KLKB1: variants seen among roughly 807,000 people sequenced by gnomAD.
The protein encoded by KLKB1 is plasma kallikrein.
In KLKB1, 58 loss-of-function variants were observed where a neutral mutation model predicts 73.6. The observed-to-expected ratio is 0.79, with a 90% confidence interval of 0.64 to 0.98. The LOEUF (loss-of-function observed/expected upper bound fraction) is 0.98, where lower values mean the gene tolerates loss of function less well. KLKB1 is among the 50% of genes least tolerant of loss of function. The pLI, the probability that KLKB1 is intolerant of heterozygous loss-of-function variation, is 0.00. For synonymous variants in KLKB1, 280 were observed against 258.1 expected, an observed-to-expected ratio of 1.08 and a Z score of -0.81; for missense variants, 737 against 763.8, an observed-to-expected ratio of 0.96 and a Z score of 0.41.
chr4:186,222,219 T>C (rs1737048432), upstream of KLKB1, among the ~76,000 whole-genome samples: 1 of 152,198 alleles, frequency 6.6e-6, no homozygotes, highest in South Asian at 2.1e-4. Flanking sequence ...ACTCATCCAC[T>C]CTCTCTTTTG....
chr4:186,250,197 C>A (rs767869960), intron 6 of KLKB1, 46 bp from the exon 7 acceptor site: 2 of 1,567,204 alleles, frequency 1.3e-6, no homozygotes, highest in Admixed American at 1.7e-5. Flanking sequence ...GCAAATTTAG[C>A]CTCATGTCAT....
At chr4:186,238,408 A>AT in intron 6 of KLKB1, 43 bp downstream of exon 6, 1 of 1,348,256 alleles carries the variant, frequency 7.4e-7, no homozygotes, top group Non-Finnish European at 1.1e-6. Context: ...GGTAGGTGGA[A>AT]TAGGAGCCCC....
chr4:186,236,922 T>G lies in KLKB1; in HGVS notation c.470T>G (p.Phe157Cys). 6.2e-7 allele frequency: 1 copy of G among 1,614,088 alleles called. No individual in the cohort carries two copies. The highest frequency in any genetic ancestry group is 8.5e-7 in the Non-Finnish European group (1 of 1,180,002). ...TTTTTTTCATATGCCACGCAAACAT[T>G]TCACAAGGCAGAGTACCGGTGAGTA... ...CQFFSYATQT[F>C]HKAEYRNNCL... The change falls in exon 5 of 15, where the codon TTT becomes TGT. Residue 157 changes from phenylalanine (F) to cysteine (C), a missense_variant. Physicochemically the swap from Phe to Cys is radical, Grantham distance 205 (BLOSUM62 -2). Coordinates refer to ENST00000264690, the MANE Select transcript of KLKB1 (RefSeq NM_000892.5).
chr4:186,256,951 G>A lies in KLKB1; in HGVS notation c.1586-275G>A, dbSNP rs182371667. ...ACACCACGTAGGCAATAAGAGGACA[G>A]TACAGGGTGCCGTCTCTCTCCCTCT... is the stretch of plus-strand genomic sequence containing the variant. On this transcript the variant is annotated intron_variant, in intron 13 of 14. Coordinates refer to ENST00000264690, the MANE Select transcript of KLKB1 (RefSeq NM_000892.5). Among the ~76,000 whole-genome samples the A allele has an allele frequency of 2.0e-3, 310 of 151,386 alleles. 3 individuals are homozygous for A. Among genetic ancestry groups the A allele is most frequent in the African/African-American group, 7.3e-3 (301 of 41,206 alleles).
intron 6 of KLKB1, among the ~76,000 whole-genome samples, chr4:186,245,824 G>GTTTTTTTTTTTTTTTTTTTTTTTTTTATT (rs1402408736): frequency 9.1e-6 from 1 of 109,998 alleles, no homozygotes; most frequent in Non-Finnish European, 2.0e-5. Context: ...TTGTTTTTTG[G>GTTTTTTTTTTTTTTTTTTTTTTTTTTATT]TTTTTTTTTT....
At chr4:186,248,595 A>ATTTTTTTTTTTTTGTTTTTTTTTT (rs1738506954) in intron 6 of KLKB1, among the ~76,000 whole-genome samples, 1 of 114,920 alleles carries the variant, frequency 8.7e-6, no homozygotes, top group African/African-American at 3.6e-5. Flanking sequence ...TTGTTTCTGG[A>ATTTTTTTTTTTTTGTTTTTTTTTT]TTTTTTTTTT....
chr4:186,253,142 CTG>C (rs2126674141), intron 11 of KLKB1, among the ~76,000 whole-genome samples: 1 of 152,288 alleles, frequency 6.6e-6, no homozygotes, highest in South Asian at 2.1e-4. Flanking sequence ...ATGCTTAGTA[CTG>C]TGTGTAGAAC....
chr4:186,246,881 C>G (rs923082834), intron 6 of KLKB1, among the ~76,000 whole-genome samples: 99 of 152,256 alleles, frequency 6.5e-4, no homozygotes, highest in African/African-American at 2.3e-3. Context: ...GACTATCTTC[C>G]CAAGTCCATG....
At chr4:186,255,749 A>G (rs1356849515) in intron 12 of KLKB1, among the ~76,000 whole-genome samples, 1 of 152,236 alleles carries the variant, frequency 6.6e-6, no homozygotes, top group African/African-American at 2.4e-5. Context: ...GCTTTTGACC[A>G]TAGATTTAGG....
In KLKB1 at chr4:186,257,146, T is replaced by C. The variant is rs4241822; in HGVS notation, c.1586-80T>C. Reference sequence around the variant, plus strand: ...TATTTATTATTTATTGTGGGAATAATAATATTCCCAATATTATTATTTATT... The same window carrying C: ...TATTTATTATTTATTGTGGGAATAACAATATTCCCAATATTATTATTTATT... On this transcript the variant is annotated intron_variant, in intron 13 of 14. Transcript: ENST00000264690. 299,534 of 762,580 alleles carry C rather than the reference T, an allele frequency of 0.39. 61,272 individuals are homozygous for C. Among genetic ancestry groups the C allele is most frequent in the Non-Finnish European group, 0.43 (213,737 of 502,198 alleles). 47.2% of individuals were successfully genotyped at this position (762,580 alleles called of 1,614,324 possible). A position where few individuals can be genotyped will look rare whatever the true frequency, so the allele number is the denominator to read the frequency against.
chr4:186,254,750 T>A lies in KLKB1; in HGVS notation c.1476T>A (p.Pro492=). The change falls in exon 12 of 15, where the codon CCT becomes CCA. Residue 492 remains proline, a synonymous_variant. Transcript: ENST00000264690. ...HDIALIKLQA[P]LNYTEFQKPI... ...TCGCCTTGATAAAACTCCAGGCTCC[T>A]TTGAATTACACTGGTATGTAGCATA... is the stretch of plus-strand genomic sequence containing the variant. 1 of 1,613,122 alleles carries A rather than the reference T, an allele frequency of 6.2e-7. No homozygotes were observed. Among genetic ancestry groups the A allele is most frequent in the Non-Finnish European group, 8.5e-7 (1 of 1,179,088 alleles).
At position 186,250,414 on chromosome 4, in the gene KLKB1, T is replaced by C; in HGVS notation, c.758+12T>C. ...ATCGAGTCACAAAGGCGAGTATGCA[T>C]GGAAAATCGCATCACAAAGGCGAGT... On this transcript the variant is annotated intron_variant, in intron 7 of 14. Coordinates refer to ENST00000264690, the MANE Select transcript of KLKB1 (RefSeq NM_000892.5). The C allele has an allele frequency of 1.2e-6, 2 of 1,613,644 alleles. No homozygotes were observed. Among genetic ancestry groups the C allele is most frequent in the African/African-American group, 1.3e-5 (1 of 75,040 alleles).
Position 186,250,301 on chromosome 4 carries a change from T to G in KLKB1, c.657T>G (p.Val219=), listed in dbSNP as rs1738596299. 6.2e-7 allele frequency: 1 copy of G among 1,614,014 alleles called. No individual in the cohort carries two copies. The highest frequency in any genetic ancestry group is 8.5e-7 in the Non-Finnish European group (1 of 1,179,988). The change falls in exon 7 of 15, where the codon GTT becomes GTG. Residue 219 remains valine (V), a synonymous_variant. Transcript: ENST00000264690. ...TCTCAGATGTGGATGTTGCCAGGGT[T>G]CTCACTCCAGATGCTTTTGTGTGTC... ...LAFSDVDVAR[V]LTPDAFVCRT... is the part of the protein sequence containing the mutation.
rs28811960 is a variant in KLKB1, at chr4:186,246,594, T to G, written c.599-3649T>G. Among the ~76,000 whole-genome samples, 625 of 152,120 alleles carry G rather than the reference T, an allele frequency of 4.1e-3. 2 individuals carry two copies. The highest frequency in any genetic ancestry group is 0.014 in the African/African-American group (593 of 41,482). The stretch of plus-strand genomic sequence containing the variant: ...AGGCATTTAGGTTTTAGGTCAGGTG[T>G]GAGTTGAAGAGGTTTTAAGTTCTTG... On this transcript the variant is annotated intron_variant, in intron 6 of 14. Transcript: ENST00000264690.
chr4:186,229,695 C>G (rs1737305148), intron 2 of KLKB1, among the ~76,000 whole-genome samples: 1 of 152,150 alleles, frequency 6.6e-6, no homozygotes, highest in Non-Finnish European at 1.5e-5. Context: ...TCATTTACCC[C>G]ACTTAGGCCA....
chr4:186,251,886 A>T lies in KLKB1; in HGVS notation c.1144+25A>T, dbSNP rs4253380. On this transcript the variant is annotated intron_variant, in intron 10 of 14. Coordinates refer to ENST00000264690, the MANE Select transcript of KLKB1 (RefSeq NM_000892.5). ...GGTGAGTAACCTCACTTTTTCGTGG[A>T]CCTGTCAGGGATGTCTGTCATGTTG... The T allele has an allele frequency of 2.6e-4, 409 of 1,600,974 alleles. No homozygotes were observed. The African/African-American group carries it at 5.1e-3, about 20-fold the overall frequency.
chr4:186,225,046 C>G (rs990951025), upstream of KLKB1, among the ~76,000 whole-genome samples: 7 of 152,190 alleles, frequency 4.6e-5, no homozygotes, highest in African/African-American at 1.7e-4. Context: ...GTGTCTGCTT[C>G]CCCTCTGCCT....
At chr4:186,224,080 G>A (rs539732932), upstream of KLKB1, among the ~76,000 whole-genome samples, 26 of 152,354 alleles carry the variant, frequency 1.7e-4, no homozygotes, top group Non-Finnish European at 2.6e-4. Context: ...TGGCTTCCAC[G>A]TGCTCTTGGG....
At chr4:186,254,837 G>A (rs762439391) in intron 12 of KLKB1, 74 bp downstream of exon 12, 199 of 1,333,148 alleles carry the variant, frequency 1.5e-4, no homozygotes, top group Non-Finnish European at 2.0e-4. Context: ...TGAACAAGAG[G>A]GCAGACCTAG....
Sources: gnomAD v4.1 joint callset for allele counts (sites outside exome capture counted in the v4.1 genomes callset) on GRCh38, gnomAD v4.1.1 for gene constraint, MANE v1.5 for transcripts, NCBI Gene and HGNC (gene_info 2026-07-23, HGNC 2026-07-21) for gene names.